The following EPHA6 variants were observed in gnomAD, a reference collection of about 807,000 sequenced individuals.
EPHA6 encodes ephrin type-A receptor 6.
In EPHA6, 50 loss-of-function variants were observed where a neutral mutation model predicts 112.0. The observed-to-expected ratio is 0.45, with a 90% CI of 0.36 to 0.56. EPHA6 has a LOEUF of 0.56. EPHA6 is among the 20% of genes least tolerant of loss of function. The pLI is 0.00. For synonymous variants in EPHA6, 529 were observed against 490.7 expected, an observed-to-expected ratio of 1.08 and a Z score of -1.03; for missense variants, 1,280 against 1,417.4, an observed-to-expected ratio of 0.90 and a Z score of 1.56.
chr3:97,255,411 G>A (rs1198960987), intron 5 of EPHA6, among the ~76,000 whole-genome samples: 1 of 152,150 alleles, frequency 6.6e-6, no homozygotes, highest in Non-Finnish European at 1.5e-5. Context: ...TAATGTGCAG[G>A]TAGTGGTGAT....
chr3:96,823,810 G>A (rs1017960605), intron 1 of EPHA6, among the ~76,000 whole-genome samples: 6 of 151,744 alleles, frequency 4.0e-5, no homozygotes, highest in African/African-American at 1.4e-4. Flanking sequence ...TATTTCATGT[G>A]TTCAATTTAA....
intron 3 of EPHA6, among the ~76,000 whole-genome samples, chr3:97,014,323 T>C (rs2044192649): frequency 6.6e-6 from 1 of 151,814 alleles, no homozygotes; most frequent in Admixed American, 6.6e-5. Context: ...TCTCCTGCCT[T>C]CCCTCCTTCC....
At chr3:97,491,156 A>G (rs1201878922) in intron 10 of EPHA6, among the ~76,000 whole-genome samples, 7 of 151,958 alleles carry the variant, frequency 4.6e-5, no homozygotes, top group African/African-American at 1.5e-4. Flanking sequence ...ATGATACTAG[A>G]CCCTCCCCAC....
intron 5 of EPHA6, among the ~76,000 whole-genome samples, chr3:97,397,651 A>G (rs566278017): frequency 6.6e-6 from 1 of 151,742 alleles, no homozygotes; most frequent in South Asian, 2.1e-4. Flanking sequence ...TCCAAGTTAT[A>G]TGAAGCAGTT....
intron 13 of EPHA6, among the ~76,000 whole-genome samples, chr3:97,635,928 T>C (rs1441283951): frequency 6.6e-6 from 1 of 152,098 alleles, no homozygotes; most frequent in African/African-American, 2.4e-5. Flanking sequence ...TAGGAGCATA[T>C]GTTGAGAAGT....
chr3:97,271,460 C>T (rs926543842), intron 5 of EPHA6, among the ~76,000 whole-genome samples: 45 of 152,176 alleles, frequency 3.0e-4, no homozygotes, highest in African/African-American at 7.7e-4. Context: ...TGGGTTCAAG[C>T]GATTCTCCTG....
chr3:96,891,767 T>C (rs1189467307), intron 2 of EPHA6, among the ~76,000 whole-genome samples: 1 of 152,184 alleles, frequency 6.6e-6, no homozygotes, highest in East Asian at 1.9e-4. Flanking sequence ...ACATAGATGA[T>C]AGCTACATGG....
rs984402824 is a variant in EPHA6 at position 97,756,645 on chromosome 3, C to CA, written c.*7951dup. On this transcript the variant is annotated 3_prime_UTR_variant, in exon 18 of 18. Transcript: ENST00000389672. Reference sequence around the variant, plus strand: ...TGCAAAAATATCATTTTATTCTTACCAAAAAAATGTAGCTTTGATAAAATT... The same window carrying CA: ...TGCAAAAATATCATTTTATTCTTACCAAAAAAAATGTAGCTTTGATAAAATT... Among the ~76,000 whole-genome samples the CA allele has an allele frequency of 1.9e-4, 29 of 151,330 alleles. No individual in the cohort carries two copies. The highest frequency in any genetic ancestry group is 6.3e-4 in the African/African-American group (26 of 41,328).
chr3:97,447,688 G>C (rs538310359), intron 6 of EPHA6: 3 of 824,074 alleles, frequency 3.6e-6, no homozygotes, highest in Non-Finnish European at 4.4e-6. Context: ...GTGGGCAAGA[G>C]AGACCATGTA....
chr3:97,683,952 A>T (rs1246146636), intron 14 of EPHA6, among the ~76,000 whole-genome samples: 2 of 152,176 alleles, frequency 1.3e-5, no homozygotes, highest in Non-Finnish European at 2.9e-5. Context: ...TGGGATTACC[A>T]CAAAGGATTT....
intron 13 of EPHA6, among the ~76,000 whole-genome samples, chr3:97,618,804 T>C (rs1479690783): frequency 6.6e-6 from 1 of 151,984 alleles, no homozygotes; most frequent in African/African-American, 2.4e-5. Flanking sequence ...CAGGACCAGA[T>C]GGATTCACAG....
chr3:97,297,457 C>A (rs1559860195), intron 5 of EPHA6, among the ~76,000 whole-genome samples: 2 of 152,148 alleles, frequency 1.3e-5, no homozygotes, highest in Non-Finnish European at 2.9e-5. Flanking sequence ...TTAGGTGAAT[C>A]TCTTCTCTAG....
In EPHA6 at chr3:97,012,530, AT is replaced by A. The variant is rs569047204; in HGVS notation, c.1114+24542del. Among the ~76,000 whole-genome samples, 78 of 148,042 alleles carry A rather than the reference AT, an allele frequency of 5.3e-4. 2 individuals are homozygous for A. In the East Asian group the frequency reaches 9.2e-3, roughly 17 times the overall value. ...TATATATGTATGTATATTCATATAT[AT>A]TTTTATATATGAATATATTATAAAA... is the stretch of plus-strand genomic sequence containing the variant. On this transcript the variant is annotated intron_variant, in intron 3 of 17. Transcript: ENST00000389672.
At chr3:97,729,742 T>C (rs985596527) in intron 15 of EPHA6, among the ~76,000 whole-genome samples, 1 of 151,818 alleles carries the variant, frequency 6.6e-6, no homozygotes, top group Non-Finnish European at 1.5e-5. Context: ...ACAATCTTTA[T>C]ATTGCACACC....
intron 5 of EPHA6, among the ~76,000 whole-genome samples, chr3:97,360,641 A>G (rs1182978827): frequency 6.6e-6 from 1 of 152,186 alleles, no homozygotes; most frequent in Non-Finnish European, 1.5e-5. Context: ...GAATCTAATA[A>G]GATTATGACC....
chr3:97,078,407 C>T (rs1476981032), intron 3 of EPHA6, among the ~76,000 whole-genome samples: 1 of 152,012 alleles, frequency 6.6e-6, no homozygotes. Context: ...AATTAGATCC[C>T]ATTTGTCTAT....
At chr3:97,495,076 A>G (rs1258329329) in intron 10 of EPHA6, among the ~76,000 whole-genome samples, 1 of 151,988 alleles carries the variant, frequency 6.6e-6, no homozygotes, top group East Asian at 1.9e-4. Flanking sequence ...CTGAGTTTGC[A>G]TTTGCTTTTT....
chr3:96,861,240 C>G (rs2035986369), intron 1 of EPHA6, among the ~76,000 whole-genome samples: 1 of 151,992 alleles, frequency 6.6e-6, no homozygotes, highest in Non-Finnish European at 1.5e-5. Context: ...CAACTATTAA[C>G]CATTCATTAT....
chr3:97,316,011 T>G (rs977807475), intron 5 of EPHA6, among the ~76,000 whole-genome samples: 1 of 151,874 alleles, frequency 6.6e-6, no homozygotes, highest in African/African-American at 2.4e-5. Context: ...TTATGGAAAT[T>G]TATTTGCTCA....
Sources: allele counts gnomAD v4.1 joint callset (sites outside exome capture counted in the v4.1 genomes callset), GRCh38; gene constraint gnomAD v4.1.1; transcripts MANE v1.5; gene names NCBI Gene and HGNC (gene_info 2026-07-23, HGNC 2026-07-21).